Variants in HORMAD2 observed in about 807,000 individuals in gnomAD.
HORMAD2 encodes the protein HORMA domain containing 2.
Under a neutral mutation model 38.8 loss-of-function variants are expected in HORMAD2, and 45 were observed. That is an observed-to-expected ratio of 1.16 (90% CI 0.91 to 1.49). HORMAD2 has a LOEUF of 1.49. Among genes scored for constraint, HORMAD2 ranks in the 40% most tolerant of loss-of-function variants. HORMAD2 has a pLI of 0.00. For missense variants in HORMAD2, 338 were observed against 367.0 expected (o/e 0.92, Z 0.65); for synonymous variants, 126 against 122.8 (o/e 1.03, Z -0.17).
At chr22:30,164,257 C>T (rs972052643) in intron 10 of HORMAD2, among the ~76,000 whole-genome samples, 3 of 152,152 alleles carry the variant, frequency 2.0e-5, no homozygotes, top group African/African-American at 7.2e-5. Flanking sequence ...CTGCTATGAA[C>T]ATGGGTGTAC....
downstream of HORMAD2, among the ~76,000 whole-genome samples, chr22:30,177,360 C>CA (rs1926513688): frequency 6.6e-6 from 1 of 152,186 alleles, no homozygotes; most frequent in Admixed American, 6.5e-5. Flanking sequence ...CCTGCCTGTT[C>CA]AGCACTGCCC....
the HORMAD2 span, among the ~76,000 whole-genome samples, chr22:30,201,254 T>C: frequency 2.0e-5 from 3 of 152,108 alleles, no homozygotes; most frequent in Non-Finnish European, 2.9e-5. Flanking sequence ...TTCTTCTCCA[T>C]GTGTCTGTGT....
intron 10 of HORMAD2, among the ~76,000 whole-genome samples, chr22:30,169,185 C>A (rs1206048522): frequency 6.6e-6 from 1 of 152,176 alleles, no homozygotes; most frequent in African/African-American, 2.4e-5. Context: ...CCAGAAAGAA[C>A]TGATAAGATC....
chr22:30,172,584 A>G (rs2123741253), intron 10 of HORMAD2, among the ~76,000 whole-genome samples: 1 of 152,244 alleles, frequency 6.6e-6, no homozygotes, highest in East Asian at 1.9e-4. Flanking sequence ...AACTGAGAAT[A>G]CAAAGATGAT....
chr22:30,170,432 C>T (rs537240264), intron 10 of HORMAD2, among the ~76,000 whole-genome samples: 1 of 152,126 alleles, frequency 6.6e-6, no homozygotes, highest in Non-Finnish European at 1.5e-5. Context: ...TGAGGCTCTG[C>T]TTTTAGTAGG....
At chr22:30,133,593 G>T (rs1923433544) in intron 10 of HORMAD2, among the ~76,000 whole-genome samples, 1 of 150,710 alleles carries the variant, frequency 6.6e-6, no homozygotes, top group Non-Finnish European at 1.5e-5. Flanking sequence ...TGTATCTGTG[G>T]GTTCTGCATT....
At chr22:30,150,448 T>G (rs1362876191) in intron 10 of HORMAD2, among the ~76,000 whole-genome samples, 1 of 152,204 alleles carries the variant, frequency 6.6e-6, no homozygotes, top group African/African-American at 2.4e-5. Flanking sequence ...TCTTTCTCTC[T>G]GTGTGTCTGT....
At chr22:30,143,556 C>T (rs1437310194) in intron 10 of HORMAD2, among the ~76,000 whole-genome samples, 1 of 151,970 alleles carries the variant, frequency 6.6e-6, no homozygotes, top group Non-Finnish European at 1.5e-5. Context: ...TATAGGGGTT[C>T]CTTTGTTAGC....
upstream of HORMAD2, among the ~76,000 whole-genome samples, chr22:30,078,658 T>C (rs1260900192): frequency 7.9e-6 from 1 of 127,042 alleles, no homozygotes; most frequent in Non-Finnish European, 1.7e-5. Flanking sequence ...AGAAATTCTA[T>C]GAAAGAAACA....
At chr22:30,188,448 A>G in the HORMAD2 span, among the ~76,000 whole-genome samples, 1 of 152,214 alleles carries the variant, frequency 6.6e-6, no homozygotes, top group African/African-American at 2.4e-5. Context: ...ATTGATTCTC[A>G]CTCTTTCCCT....
chr22:30,179,423 T>C (rs1010796434), downstream of HORMAD2, among the ~76,000 whole-genome samples: 3 of 152,202 alleles, frequency 2.0e-5, no homozygotes, highest in African/African-American at 7.2e-5. Context: ...AGGTCATGGC[T>C]GAGACTTGAT....
At chr22:30,088,603 CTATT>C (rs1200510758) in intron 1 of HORMAD2, among the ~76,000 whole-genome samples, 3 of 150,988 alleles carry the variant, frequency 2.0e-5, no homozygotes, top group Admixed American at 6.6e-5. Flanking sequence ...ATTTAGAAAA[CTATT>C]TAGTTTTATT....
At chr22:30,165,650 T>G (rs918364764) in intron 10 of HORMAD2, among the ~76,000 whole-genome samples, 3 of 152,118 alleles carry the variant, frequency 2.0e-5, no homozygotes, top group Admixed American at 6.5e-5. Flanking sequence ...TTAATAGATT[T>G]GTAGTTTGGG....
intron 7 of HORMAD2, among the ~76,000 whole-genome samples, chr22:30,114,513 C>T (rs1291572094): frequency 6.6e-6 from 1 of 152,168 alleles, no homozygotes; most frequent in South Asian, 2.1e-4. Context: ...CTCTTATGTA[C>T]TCAAAAACAA....
intron 7 of HORMAD2, among the ~76,000 whole-genome samples, chr22:30,117,496 A>G (rs1365512176): frequency 6.6e-6 from 1 of 151,108 alleles, no homozygotes; most frequent in Non-Finnish European, 1.5e-5. Flanking sequence ...TTATTTTATT[A>G]TTTCTTTCCT....
At chr22:30,115,660 A>G (rs1168017523) in intron 7 of HORMAD2, among the ~76,000 whole-genome samples, 1 of 152,238 alleles carries the variant, frequency 6.6e-6, no homozygotes, top group African/African-American at 2.4e-5. Flanking sequence ...CCTGCTCTCT[A>G]GAAGCCTACG....
chr22:30,119,592 G>A (rs75943829), intron 8 of HORMAD2, among the ~76,000 whole-genome samples: 36 of 152,294 alleles, frequency 2.4e-4, no homozygotes, highest in Middle Eastern at 6.8e-3. Flanking sequence ...GCAAACACAA[G>A]GACATTGAAG....
downstream of HORMAD2, among the ~76,000 whole-genome samples, chr22:30,181,759 A>T (rs1926730072): frequency 6.6e-6 from 1 of 152,206 alleles, no homozygotes; most frequent in Admixed American, 6.5e-5. Context: ...TTTGGCCTCA[A>T]CCTATTAAAG....
chr22:30,092,173 G>A (rs536341325), intron 1 of HORMAD2, among the ~76,000 whole-genome samples: 93 of 151,648 alleles, frequency 6.1e-4, no homozygotes, highest in African/African-American at 1.9e-3. Flanking sequence ...GAGCCACCTC[G>A]CCTGGCCATT....
Sources: gnomAD v4.1 joint callset for allele counts (sites outside exome capture counted in the v4.1 genomes callset) on GRCh38, gnomAD v4.1.1 for gene constraint, MANE v1.5 for transcripts, NCBI Gene and HGNC (gene_info 2026-07-23, HGNC 2026-07-21) for gene names.